Variants in RBM48 observed in about 807,000 individuals in gnomAD.
RBM48 encodes the protein RNA-binding protein 48.
In RBM48, 32 loss-of-function variants were observed where a neutral mutation model predicts 34.8. The ratio of observed to expected loss-of-function variants is 0.92; its 90% CI spans 0.69 to 1.23. The LOEUF is 1.23. Ranked by LOEUF, RBM48 falls within the 50% of genes most tolerant of loss-of-function variation. The pLI is 0.00. For missense variants in RBM48, 441 were observed against 447.2 expected, an observed-to-expected ratio of 0.99 and a Z score of 0.12; for synonymous variants, 151 against 156.2, an observed-to-expected ratio of 0.97 and a Z score of 0.25.
intron 2 of RBM48, among the ~76,000 whole-genome samples, chr7:92,530,531 G>A (rs977981942): frequency 4.0e-5 from 6 of 151,752 alleles, no homozygotes; most frequent in African/African-American, 1.5e-4. Context: ...CGCCAGGCAC[G>A]TGGCTCACAC....
chr7:92,535,663 T>TA, intron 4 of RBM48: 2 of 985,118 alleles, frequency 2.0e-6, no homozygotes, highest in Non-Finnish European at 2.4e-6. Context: ...CTCTTATACT[T>TA]ACTCCAAGAT....
intron 2 of RBM48, among the ~76,000 whole-genome samples, 160 bp from the exon 3 acceptor site, chr7:92,532,244 T>G (rs1389026358): frequency 1.3e-5 from 2 of 152,210 alleles, no homozygotes; most frequent in Non-Finnish European, 2.9e-5. Flanking sequence ...GGATGAATAC[T>G]GTCCACAAGC....
At chr7:92,536,783 T>C in intron 4 of RBM48, 68 bp from the exon 5 acceptor site, 4 of 1,497,020 alleles carry the variant, frequency 2.7e-6, no homozygotes, top group Non-Finnish European at 3.5e-6. Flanking sequence ...TCTTACCTCT[T>C]CTAATAGCTT....
rs182946535 is a variant in RBM48 at position 92,529,879 on chromosome 7, A to C, written c.302+213A>C. ...ACAATTTAATGTCCTGTAGCTTGGT[A>C]GAGTAGAAGTTGGGTTTGGCCAGGC... On this transcript the variant is annotated intron_variant, in intron 2 of 4. Transcript: ENST00000265732. Among the ~76,000 whole-genome samples the C allele has an allele frequency of 1.5e-3, 223 of 152,310 alleles. 1 individual carries two copies. The highest frequency in any genetic ancestry group is 5.0e-3 in the African/African-American group (208 of 41,570).
intron 4 of RBM48, chr7:92,536,217 T>C: frequency 5.1e-6 from 5 of 985,098 alleles, no homozygotes; most frequent in Non-Finnish European, 6.0e-6. Flanking sequence ...GATACATACC[T>C]GTCTCAACCA....
chr7:92,535,527 C>G (rs1266189270), intron 4 of RBM48: 5 of 983,708 alleles, frequency 5.1e-6, no homozygotes, highest in Non-Finnish European at 6.0e-6. Context: ...TTTTTAATGT[C>G]ATTTACATAA....
intron 3 of RBM48, 110 bp from the exon 4 acceptor site, chr7:92,534,292 A>T (rs1267387100): frequency 1.4e-6 from 2 of 1,396,982 alleles, no homozygotes; most frequent in Admixed American, 4.2e-5. Flanking sequence ...TTTGGAGTAG[A>T]ATTTGTTAAC....
chr7:92,532,667 A>G (rs1793605788), intron 3 of RBM48, 118 bp downstream of exon 3: 2 of 695,654 alleles, frequency 2.9e-6, no homozygotes, highest in East Asian at 5.4e-5. Context: ...GTATTCAGTA[A>G]CTGTGAACCA....
chr7:92,539,128 A>T lies in RBM48; in HGVS notation c.*2191A>T, dbSNP rs1001092109. Reference sequence around the variant, plus strand: ...ATCTTTGAATAGCAAGGCTCTAGATAACTGGGCTACAGATGAACTCTGGAA... The same window carrying T: ...ATCTTTGAATAGCAAGGCTCTAGATTACTGGGCTACAGATGAACTCTGGAA... On this transcript the variant is annotated 3_prime_UTR_variant, in exon 5 of 5. Coordinates refer to ENST00000265732, the MANE Select transcript of RBM48 (RefSeq NM_032120.4). 6.6e-6 allele frequency among the ~76,000 whole-genome samples: 1 copy of T among 152,222 alleles called. No homozygotes were observed. The highest frequency in any genetic ancestry group is 1.5e-5 in the Non-Finnish European group (1 of 68,036).
chr7:92,530,158 C>G (rs1793525236), intron 2 of RBM48, among the ~76,000 whole-genome samples: 1 of 118,466 alleles, frequency 8.4e-6, no homozygotes. Flanking sequence ...GACAGGGCAA[C>G]AAGAGGGAAG....
rs376528053 is a variant in RBM48 at position 92,534,919 on chromosome 7, C to T, written c.966C>T (p.His322=). ...LLPDISKVDM[H]DDSLNTTANL... ...CAGACATCTCTAAAGTGGATATGCA[C>T]GATGACTCATTGAATACAACGGCGA... The change falls in exon 4 of 5, where the codon CAC becomes CAT. Residue 322 remains histidine (H), a synonymous_variant. Transcript: ENST00000265732. 7 of 1,614,104 alleles carry T rather than the reference C, an allele frequency of 4.3e-6. No individual in the cohort carries two copies. Among genetic ancestry groups the T allele is most frequent in the Non-Finnish European group, 5.9e-6 (7 of 1,179,996 alleles).
rs538240974 is a variant in RBM48, at chr7:92,536,323, G to A, written c.1018-528G>A. On this transcript the variant is annotated intron_variant, in intron 4 of 4. Coordinates refer to ENST00000265732, the MANE Select transcript of RBM48 (RefSeq NM_032120.4). ...AAGATATTAAATACAGTTTACTATAGTTTCTAATAATTTTCCATTTCAAAT... is the reference window on the plus strand; with the variant it reads ...AAGATATTAAATACAGTTTACTATAATTTCTAATAATTTTCCATTTCAAAT... 43 of 976,384 alleles carry A rather than the reference G, an allele frequency of 4.4e-5. No individual in the cohort carries two copies. The East Asian group carries it at 2.9e-3, about 65-fold the overall frequency. 60.5% of individuals were successfully genotyped at this position (976,384 alleles called of 1,614,324 possible).
At chr7:92,535,167 A>C in intron 4 of RBM48, 197 bp downstream of exon 4, 2 of 1,427,096 alleles carry the variant, frequency 1.4e-6, no homozygotes, top group South Asian at 1.5e-5. Context: ...CTTGCTTTAA[A>C]CAATGAACAG....
chr7:92,528,909 G>A lies in RBM48; in HGVS notation c.96G>A (p.Arg32=). 1 of 1,613,686 alleles carries A rather than the reference G, an allele frequency of 6.2e-7. No individual in the cohort carries two copies. The highest frequency in any genetic ancestry group is 8.5e-7 in the Non-Finnish European group (1 of 1,179,668). The part of the protein sequence containing the change: ...DTRAKYREGR[R]PRAVKVYTIN... ...GGGCCAAATATCGAGAGGGACGACG[G>A]CCTCGTGCTGTGAAGGTAAAGTGAT... The change falls in exon 1 of 5, where the codon CGG becomes CGA. Residue 32 remains arginine, a synonymous_variant. Coordinates refer to ENST00000265732, the MANE Select transcript of RBM48 (RefSeq NM_032120.4).
At chr7:92,529,689 A>C in intron 2 of RBM48, 23 bp downstream of exon 2, 1 of 1,406,950 alleles carries the variant, frequency 7.1e-7, no homozygotes, top group Non-Finnish European at 9.8e-7. Flanking sequence ...TTAAGAAATG[A>C]CTCATTTCCT....
chr7:92,534,803 C>T lies in RBM48; in HGVS notation c.850C>T (p.Arg284Cys), dbSNP rs564761372. 3.7e-6 allele frequency: 6 copies of T among 1,613,922 alleles called. No individual in the cohort carries two copies. The highest frequency in any genetic ancestry group is 4.5e-5 in the East Asian group (2 of 44,896). The part of the protein sequence containing the change: ...FMPRTTQLQE[R>C]KRRREDDRKL... ...GCCTAGGACAACACAACTGCAGGAG[C>T]GCAAAAGAAGAAGAGAAGATGATCG... Residue 284 changes from arginine to cysteine, a missense_variant, in exon 4 of 5, where the codon CGC (arginine) becomes TGC (cysteine). Physicochemically the swap from Arg to Cys is radical, Grantham distance 180. Transcript: ENST00000265732.
intron 4 of RBM48, 125 bp downstream of exon 4, chr7:92,535,095 T>A: frequency 6.7e-7 from 1 of 1,482,004 alleles, no homozygotes; most frequent in Non-Finnish European, 8.9e-7. Flanking sequence ...TGTGTTTTTC[T>A]ACAGTTCTCT....
In RBM48 at chr7:92,534,823, T is replaced by C. The variant is rs755589602; in HGVS notation, c.870T>C (p.Asp290=). Reference sequence around the variant, plus strand: ...AGGAGCGCAAAAGAAGAAGAGAAGATGATCGTAAACTTGGAACTTTTCTTC... The same window carrying C: ...AGGAGCGCAAAAGAAGAAGAGAAGACGATCGTAAACTTGGAACTTTTCTTC... The part of the protein sequence containing the change: ...QLQERKRRRE[D]DRKLGTFLQT... The change falls in exon 4 of 5, where the codon GAT becomes GAC. Residue 290 remains aspartate, a synonymous_variant. Transcript: ENST00000265732. The C allele has an allele frequency of 1.2e-6, 2 of 1,614,198 alleles. No homozygotes were observed. The highest frequency in any genetic ancestry group is 2.2e-5 in the East Asian group (1 of 44,886).
intron 2 of RBM48, 24 bp from the exon 3 acceptor site, chr7:92,532,380 A>G (rs751049647): frequency 3.9e-5 from 62 of 1,583,774 alleles, no homozygotes; most frequent in Non-Finnish European, 5.1e-5. Flanking sequence ...TTAAAAAACT[A>G]TGCTATCTTG....
Sources: allele counts gnomAD v4.1 joint callset (sites outside exome capture counted in the v4.1 genomes callset), GRCh38; gene constraint gnomAD v4.1.1; transcripts MANE v1.5; gene names NCBI Gene and HGNC (gene_info 2026-07-23, HGNC 2026-07-21).